The following SPTLC3 variants were observed in gnomAD, a reference collection of about 807,000 sequenced individuals.
The protein encoded by SPTLC3 is serine palmitoyltransferase long chain base subunit 3.
Under a neutral mutation model 59.3 loss-of-function variants are expected in SPTLC3, and 36 were observed. The ratio of observed to expected loss-of-function variants is 0.61; its 90% confidence interval spans 0.47 to 0.80. The LOEUF is 0.80. SPTLC3 is among the 30% of genes least tolerant of loss of function. SPTLC3 has a pLI of 0.00. For synonymous variants in SPTLC3, 257 were observed against 240.8 expected, an observed-to-expected ratio of 1.07 and a Z score of -0.62; for missense variants, 625 against 685.1, an observed-to-expected ratio of 0.91 and a Z score of 0.98.
intron 1 of SPTLC3, among the ~76,000 whole-genome samples, chr20:13,027,641 G>A (rs1431445): frequency 6.4e-4 from 93 of 144,250 alleles, no homozygotes; most frequent in African/African-American, 2.4e-3. Flanking sequence ...ATTTCAGCAC[G>A]CACACACACA....
At chr20:13,144,049 C>T (rs2038448786) in intron 9 of SPTLC3, among the ~76,000 whole-genome samples, 1 of 152,134 alleles carries the variant, frequency 6.6e-6, no homozygotes, top group Non-Finnish European at 1.5e-5. Context: ...TAATACCCAT[C>T]AAAAAATTGT....
rs1056940259 is a variant in SPTLC3 at position 13,064,362 on chromosome 20, G to C, written c.304-7894G>C. 2.0e-5 allele frequency among the ~76,000 whole-genome samples: 3 copies of C among 149,478 alleles called. No individual in the cohort carries two copies. The Admixed American group carries it at 2.0e-4, about 10-fold the overall frequency. On this transcript the variant is annotated intron_variant, in intron 2 of 11. Coordinates refer to ENST00000399002, the MANE Select transcript of SPTLC3 (RefSeq NM_018327.4). ...GTCTTGCTCTGTCGCCCAGGCTGGA[G>C]TACAGTTGCACGATCTTGTCTCCTA... is the stretch of plus-strand genomic sequence containing the variant.
At chr20:13,091,949 A>AC (rs1223970247) in intron 5 of SPTLC3, among the ~76,000 whole-genome samples, 3 of 152,184 alleles carry the variant, frequency 2.0e-5, no homozygotes, top group Non-Finnish European at 4.4e-5. Flanking sequence ...GATGAACAAG[A>AC]CCTATGTATT....
intron 1 of SPTLC3, among the ~76,000 whole-genome samples, chr20:13,042,096 G>A (rs577059376): frequency 6.6e-6 from 1 of 152,256 alleles, no homozygotes; most frequent in South Asian, 2.1e-4. Flanking sequence ...TAGCCTTTGA[G>A]GTTTATTCTG....
chr20:13,028,889 A>G (rs1986288866), intron 1 of SPTLC3, among the ~76,000 whole-genome samples: 1 of 152,190 alleles, frequency 6.6e-6, no homozygotes, highest in African/African-American at 2.4e-5. Flanking sequence ...CTATTTGGCT[A>G]TTATTTTAAA....
rs549151228 is a variant in SPTLC3, at chr20:13,165,587, G to A, written c.*720G>A. The A allele has an allele frequency of 1.3e-5, 2 of 152,268 alleles. No individual in the cohort carries two copies. Among genetic ancestry groups the A allele is most frequent in the East Asian group, 1.9e-4 (1 of 5,178 alleles). The allele number at this position is 152,268 out of a possible 1,614,324, so 9.4% of individuals were successfully genotyped here. A position where few individuals can be genotyped will look rare whatever the true frequency, so the allele number is the denominator to read the frequency against. ...CAAGATGTTTGTTTCATAAGAAAAGGGGCAGAAAGCAAGCACAAGACACTT... is the reference window on the plus strand; with the variant it reads ...CAAGATGTTTGTTTCATAAGAAAAGAGGCAGAAAGCAAGCACAAGACACTT... On this transcript the variant is annotated 3_prime_UTR_variant, in exon 12 of 12. Coordinates refer to ENST00000399002, the MANE Select transcript of SPTLC3 (RefSeq NM_018327.4).
At chr20:13,109,287 GA>G (rs1361978803) in intron 6 of SPTLC3, among the ~76,000 whole-genome samples, 1 of 152,190 alleles carries the variant, frequency 6.6e-6, no homozygotes, top group African/African-American at 2.4e-5. Flanking sequence ...TTTCATTTGA[GA>G]AGAAGGGACA....
At chr20:13,103,748 C>A (rs944039863) in intron 6 of SPTLC3, among the ~76,000 whole-genome samples, 1 of 152,158 alleles carries the variant, frequency 6.6e-6, no homozygotes, top group African/African-American at 2.4e-5. Flanking sequence ...GTGAAGATCT[C>A]ACAGTAGATC....
chr20:13,061,450 C>A (rs1987971192), intron 2 of SPTLC3, among the ~76,000 whole-genome samples: 1 of 152,198 alleles, frequency 6.6e-6, no homozygotes, highest in South Asian at 2.1e-4. Flanking sequence ...CACCTGCCAC[C>A]ACGGGACAGG....
intron 4 of SPTLC3, among the ~76,000 whole-genome samples, chr20:13,087,500 A>G (rs930823724): frequency 1.3e-5 from 2 of 152,190 alleles, no homozygotes; most frequent in African/African-American, 4.8e-5. Flanking sequence ...CTTGTTGCCT[A>G]GGCATTGAAT....
chr20:13,091,359 G>C, intron 5 of SPTLC3, 152 bp downstream of exon 5: 1 of 904,560 alleles, frequency 1.1e-6, no homozygotes, highest in Non-Finnish European at 1.6e-6. Flanking sequence ...CGGATCACGA[G>C]GTCAAGAGAC....
rs3039608 is a variant in SPTLC3, at chr20:13,080,511, C to CAAAAAAAAAAAA, written c.607+6024_607+6025insAAAAAAAAAAAA. Among the ~76,000 whole-genome samples, 77 of 122,820 alleles carry CAAAAAAAAAAAA rather than the reference C, an allele frequency of 6.3e-4. 2 individuals are homozygous for CAAAAAAAAAAAA. The highest frequency in any genetic ancestry group is 4.3e-3 in the Middle Eastern group (1 of 230). The allele number at this position is 122,820 out of a possible 152,430, so 80.6% of individuals were successfully genotyped here. ...GACCGAGTGAAAATCCATCCATCTC[C>CAAAAAAAAAAAA]AAAAAAAAAACAGGCAAAACTGCAC... On this transcript the variant is annotated intron_variant, in intron 4 of 11. Coordinates refer to ENST00000399002, the MANE Select transcript of SPTLC3 (RefSeq NM_018327.4).
At position 13,160,035 on chromosome 20, in the gene SPTLC3, T is replaced by C. The variant is rs2038861897; in HGVS notation, c.1448T>C (p.Ile483Thr). 2 of 1,613,814 alleles carry C rather than the reference T, an allele frequency of 1.2e-6. No homozygotes were observed. The highest frequency in any genetic ancestry group is 1.7e-6 in the Non-Finnish European group (2 of 1,179,862). Residue 483 changes from isoleucine (I) to threonine (T), a missense_variant, in exon 11 of 12, where the codon ATT becomes ACT. By Grantham distance (89) the Ile-to-Thr change is moderately conservative. Coordinates refer to ENST00000399002, the MANE Select transcript of SPTLC3 (RefSeq NM_018327.4). ...GCAAGGCATATGCTAGAGAAAAAAA[T>C]TGGAGTGGTGGTCGTGGGATTTCCA... The part of the protein sequence containing the change: ...AFARHMLEKK[I>T]GVVVVGFPAT...
At chr20:13,135,474 C>A (rs571976176) in intron 9 of SPTLC3, among the ~76,000 whole-genome samples, 2 of 152,222 alleles carry the variant, frequency 1.3e-5, no homozygotes, top group East Asian at 1.9e-4. Flanking sequence ...ATCTGCTTAA[C>A]CTGATGCATC....
intron 4 of SPTLC3, among the ~76,000 whole-genome samples, chr20:13,081,922 G>A (rs1183585565): frequency 6.6e-6 from 1 of 152,108 alleles, no homozygotes; most frequent in Non-Finnish European, 1.5e-5. Flanking sequence ...GCATATCTTT[G>A]TTTCTTAAAG....
At chr20:13,069,216 A>C (rs1988347228) in intron 2 of SPTLC3, among the ~76,000 whole-genome samples, 1 of 152,108 alleles carries the variant, frequency 6.6e-6, no homozygotes, top group African/African-American at 2.4e-5. Flanking sequence ...GAGGGAAGCT[A>C]GGTATGACCG....
At position 13,145,976 on chromosome 20, in the gene SPTLC3, G is replaced by A. The variant is rs1468072654; in HGVS notation, c.1280-8027G>A. Among the ~76,000 whole-genome samples, 5 of 152,146 alleles carry A rather than the reference G, an allele frequency of 3.3e-5. No homozygotes were observed. The East Asian group carries it at 5.8e-4, about 18-fold the overall frequency. On this transcript the variant is annotated intron_variant, in intron 9 of 11. Coordinates refer to ENST00000399002, the MANE Select transcript of SPTLC3 (RefSeq NM_018327.4). ...TTCTGCCATAAAGCCACATGCATGC[G>A]AATGTTCCTTGCAGCACTATTCACA... is the stretch of plus-strand genomic sequence containing the variant.
Position 13,154,137 on chromosome 20 carries a change from G to C in SPTLC3, c.1414G>C (p.Ala472Pro). The C allele has an allele frequency of 6.2e-7, 1 of 1,614,010 alleles. No homozygotes were observed. The change falls in exon 10 of 12, where the codon GCG (alanine) becomes CCG (proline). Residue 472 changes from alanine to proline, a missense_variant and splice_region_variant. By Grantham distance (27) the Ala-to-Pro change is conservative (BLOSUM62 -1). Transcript: ENST00000399002. The part of the protein sequence containing the change: ...PLLLYMPGKV[A>P]AFARHMLEKK... ...GCTTCTTTATATGCCTGGTAAAGTA[G>C]CGTAAGTATCCAAGGCATCTCATAA...
intron 6 of SPTLC3, among the ~76,000 whole-genome samples, chr20:13,100,441 G>T (rs1352091709): frequency 6.6e-6 from 1 of 152,108 alleles, no homozygotes; most frequent in Non-Finnish European, 1.5e-5. Flanking sequence ...TCAAAACTGG[G>T]TACTAGAGCC....
Sources: gnomAD v4.1 joint callset for allele counts (sites outside exome capture counted in the v4.1 genomes callset) on GRCh38, gnomAD v4.1.1 for gene constraint, MANE v1.5 for transcripts, NCBI Gene and HGNC (gene_info 2026-07-23, HGNC 2026-07-21) for gene names.